ZC3H6: variants seen among roughly 807,000 people sequenced by gnomAD.
The protein encoded by ZC3H6 is zinc finger CCCH-type containing 6.
ZC3H6 carries 40 observed loss-of-function variants against 107.7 expected under a neutral mutation model. The observed-to-expected ratio is 0.37, with a 90% CI of 0.29 to 0.48. The LOEUF is 0.48. ZC3H6 is among the 20% of genes least tolerant of loss of function. ZC3H6 has a pLI of 0.98. For missense variants in ZC3H6, 1,267 were observed against 1,410.4 expected, an observed-to-expected ratio of 0.90 and a Z score of 1.63; for synonymous variants, 493 against 487.9, an observed-to-expected ratio of 1.01 and a Z score of -0.14.
At position 112,279,876 on chromosome 2, in the gene ZC3H6, C is replaced by T. The variant is rs527492669; in HGVS notation, c.32+3850C>T. ...ATTTTCAGTCTTGCAATATTATTTT[C>T]CTACTTGCAATATTATCTTCACTCT... On this transcript the variant is annotated intron_variant, in intron 1 of 11. Transcript: ENST00000409871. Among the ~76,000 whole-genome samples, 1,233 of 152,210 alleles carry T rather than the reference C, an allele frequency of 8.1e-3. 18 individuals carry two copies. The highest frequency in any genetic ancestry group is 0.028 in the African/African-American group (1,155 of 41,508).
chr2:112,291,566 A>C (rs532845139), intron 1 of ZC3H6, among the ~76,000 whole-genome samples: 3 of 152,258 alleles, frequency 2.0e-5, no homozygotes, highest in Non-Finnish European at 2.9e-5. Flanking sequence ...CCTTTAAGGA[A>C]TAATACAAAC....
At position 112,303,303 on chromosome 2, in the gene ZC3H6, T is replaced by C. The variant is rs1296673097; in HGVS notation, c.288T>C (p.His96=). 3 of 1,613,318 alleles carry C rather than the reference T, an allele frequency of 1.9e-6. No homozygotes were observed. Among genetic ancestry groups the C allele is most frequent in the East Asian group, 4.5e-5 (2 of 44,846 alleles). The change falls in exon 3 of 12, where the codon CAT becomes CAC. Residue 96 remains histidine (H), a synonymous_variant. Coordinates refer to ENST00000409871, the MANE Select transcript of ZC3H6 (RefSeq NM_198581.3). ...DSDVEHTESS[H]KKRTGFYRDY... is the part of the protein sequence containing the mutation. ...ATGTTGAACATACAGAAAGTTCCCA[T>C]AAAAAAAGAACTGGTTTCTACAGGG...
chr2:112,322,935 A>AT (rs766359022), intron 9 of ZC3H6, 33 bp downstream of exon 9: 16 of 1,547,838 alleles, frequency 1.0e-5, no homozygotes, highest in South Asian at 2.5e-5. Flanking sequence ...GACATCAAAT[A>AT]TTTTTTTCTG....
At chr2:112,326,052 T>C (rs1676901522) in intron 11 of ZC3H6, among the ~76,000 whole-genome samples, 1 of 151,954 alleles carries the variant, frequency 6.6e-6, no homozygotes, top group Non-Finnish European at 1.5e-5. Context: ...ATTTAAAATA[T>C]ATATATTTAT....
intron 1 of ZC3H6, among the ~76,000 whole-genome samples, chr2:112,292,123 A>G (rs1450036944): frequency 6.6e-6 from 1 of 152,144 alleles, no homozygotes; most frequent in African/African-American, 2.4e-5. Flanking sequence ...ACATTGCTTA[A>G]CAAAGAGGTC....
chr2:112,320,803 C>G (rs1676786979), intron 7 of ZC3H6, among the ~76,000 whole-genome samples: 1 of 151,706 alleles, frequency 6.6e-6, no homozygotes, highest in Non-Finnish European at 1.5e-5. Context: ...TTGTATTGGC[C>G]ACATTTCCAG....
At position 112,275,918 on chromosome 2, in the gene ZC3H6, C is replaced by G. The variant is rs1686405999; in HGVS notation, c.-77C>G. The G allele has an allele frequency of 2.1e-5, 28 of 1,314,704 alleles. No individual in the cohort carries two copies. The highest frequency in any genetic ancestry group is 2.8e-4 in the Middle Eastern group (1 of 3,620). 81.4% of individuals were successfully genotyped at this position (1,314,704 alleles called of 1,614,324 possible). ...CGGGAGCAGGTTCCCGCAGGCGGCG[C>G]GGGGGGTCTTCCCCGCGCCCCGCCG... is the stretch of plus-strand genomic sequence containing the variant. On this transcript the variant is annotated 5_prime_UTR_variant, in exon 1 of 12. Transcript: ENST00000409871.
At chr2:112,298,248 TA>T (rs1225438882) in intron 1 of ZC3H6, among the ~76,000 whole-genome samples, 1 of 151,998 alleles carries the variant, frequency 6.6e-6, no homozygotes, top group South Asian at 2.1e-4. Context: ...CAGATAAGTT[TA>T]AAAAAATAGT....
At position 112,331,165 on chromosome 2, in the gene ZC3H6, A is replaced by G; in HGVS notation, c.2247A>G (p.Lys749=). 6.2e-7 allele frequency: 1 copy of G among 1,613,724 alleles called. No individual in the cohort carries two copies. Among genetic ancestry groups the G allele is most frequent in the East Asian group, 2.2e-5 (1 of 44,864 alleles). ...TPTDPRLAKE[K]SKGNQVVDPR... Reference sequence around the variant, plus strand: ...CTGATCCAAGACTTGCTAAAGAGAAAAGTAAAGGAAACCAAGTGGTTGACC... The same window carrying G: ...CTGATCCAAGACTTGCTAAAGAGAAGAGTAAAGGAAACCAAGTGGTTGACC... The change falls in exon 12 of 12, where the codon AAA becomes AAG. Residue 749 remains lysine, a synonymous_variant. Transcript: ENST00000409871.
rs184966305 is a variant in ZC3H6 at position 112,317,319 on chromosome 2, C to T, written c.963C>T (p.Cys321=). The T allele has an allele frequency of 6.8e-7, 1 of 1,477,768 alleles. No individual in the cohort carries two copies. Among genetic ancestry groups the T allele is most frequent in the Non-Finnish European group, 9.2e-7 (1 of 1,083,240 alleles). The allele number at this position is 1,477,768 out of a possible 1,614,324, so 91.5% of individuals were successfully genotyped here. A position where few individuals can be genotyped will look rare whatever the true frequency, so the allele number is the denominator to read the frequency against. Reference sequence around the variant, plus strand: ...GATATTGTACCAAAGGAGAGAACTGCATTTATATGCATAATATCCTTTATT... The same window carrying T: ...GATATTGTACCAAAGGAGAGAACTGTATTTATATGCATAATATCCTTTATT... ...LQGYCTKGEN[C]IYMHNEFPCK... Residue 321 remains cysteine, a synonymous_variant, in exon 7 of 12, where the codon TGC becomes TGT. Coordinates refer to ENST00000409871, the MANE Select transcript of ZC3H6 (RefSeq NM_198581.3).
In ZC3H6 at chr2:112,331,084, A is replaced by C; in HGVS notation, c.2166A>C (p.Lys722Asn). 6.2e-7 allele frequency: 1 copy of C among 1,605,616 alleles called. No individual in the cohort carries two copies. Among genetic ancestry groups the C allele is most frequent in the South Asian group, 1.1e-5 (1 of 89,290 alleles). Reference sequence around the variant, plus strand: ...AATCAATACTGAAAACATTACAGAAACAAACAGAAACTTTAAGGAATCAGC... The same window carrying C: ...AATCAATACTGAAAACATTACAGAACCAAACAGAAACTTTAAGGAATCAGC... ...SVKSILKTLQ[K>N]QTETLRNQQQ... Residue 722 changes from lysine (K) to asparagine (N), a missense_variant, in exon 12 of 12, where the codon AAA (lysine) becomes AAC (asparagine). Coordinates refer to ENST00000409871, the MANE Select transcript of ZC3H6 (RefSeq NM_198581.3).
intron 1 of ZC3H6, among the ~76,000 whole-genome samples, chr2:112,294,809 G>A (rs1016008115): frequency 3.9e-5 from 6 of 152,144 alleles, no homozygotes; most frequent in Non-Finnish European, 8.8e-5. Flanking sequence ...CATGGGTGAC[G>A]AGGGTACTGA....
intron 4 of ZC3H6, among the ~76,000 whole-genome samples, chr2:112,311,503 T>C (rs1398020310): frequency 6.6e-6 from 1 of 152,128 alleles, no homozygotes; most frequent in Non-Finnish European, 1.5e-5. Context: ...TTGATTCTCT[T>C]AAAAACAGAA....
chr2:112,297,628 T>C (rs1178893114), intron 1 of ZC3H6, among the ~76,000 whole-genome samples: 1 of 152,230 alleles, frequency 6.6e-6, no homozygotes, highest in Non-Finnish European at 1.5e-5. Flanking sequence ...AAAAGTCAGT[T>C]TGTTTCTAGG....
In ZC3H6 at chr2:112,332,644, C is replaced by G. The variant is rs1230141904; in HGVS notation, c.*156C>G. On this transcript the variant is annotated 3_prime_UTR_variant, in exon 12 of 12. Coordinates refer to ENST00000409871, the MANE Select transcript of ZC3H6 (RefSeq NM_198581.3). ...CACATGAAGTTATAGCCTCTAAAGCCTGTGGTATTTTATATAATATTTTTA... is the reference window on the plus strand; with the variant it reads ...CACATGAAGTTATAGCCTCTAAAGCGTGTGGTATTTTATATAATATTTTTA... 8.2e-6 allele frequency: 5 copies of G among 607,824 alleles called. No individual in the cohort carries two copies. The highest frequency in any genetic ancestry group is 7.6e-5 in the African/African-American group (4 of 52,638). 37.7% of individuals were successfully genotyped at this position (607,824 alleles called of 1,614,324 possible).
At chr2:112,290,965 G>C (rs1676101958) in intron 1 of ZC3H6, among the ~76,000 whole-genome samples, 1 of 152,242 alleles carries the variant, frequency 6.6e-6, no homozygotes, top group African/African-American at 2.4e-5. Context: ...TCAGGACCCA[G>C]AGGAGAAATT....
intron 11 of ZC3H6, among the ~76,000 whole-genome samples, chr2:112,328,083 G>A (rs1316679712): frequency 1.3e-5 from 2 of 152,016 alleles, no homozygotes; most frequent in Admixed American, 6.6e-5. Flanking sequence ...GTAGAGACAC[G>A]GTTTTACCAC....
intron 11 of ZC3H6, among the ~76,000 whole-genome samples, chr2:112,325,671 T>C (rs2104723517): frequency 6.6e-6 from 1 of 152,304 alleles, no homozygotes; most frequent in Admixed American, 6.5e-5. Flanking sequence ...TTGCTTTTTT[T>C]TTCTGAAGAA....
At chr2:112,309,376 G>A (rs1033589388) in intron 3 of ZC3H6, among the ~76,000 whole-genome samples, 12 of 152,242 alleles carry the variant, frequency 7.9e-5, no homozygotes, top group Non-Finnish European at 1.5e-4. Flanking sequence ...CACTATTAGG[G>A]AAAGCTCTGT....
Sources: gnomAD v4.1 joint callset for allele counts (sites outside exome capture counted in the v4.1 genomes callset) on GRCh38, gnomAD v4.1.1 for gene constraint, MANE v1.5 for transcripts, NCBI Gene and HGNC (gene_info 2026-07-23, HGNC 2026-07-21) for gene names.